Variants in ROBO1 observed in about 807,000 individuals in gnomAD.
The protein encoded by ROBO1 is roundabout homolog 1.
ROBO1 carries 149 observed loss-of-function variants against 195.9 expected under a neutral mutation model. The observed-to-expected ratio is 0.76, with a 90% CI of 0.67 to 0.87. ROBO1 has a LOEUF of 0.87. Among genes scored for constraint, ROBO1 ranks in the 40% least tolerant of loss-of-function variants. ROBO1 has a pLI of 0.00. For missense variants in ROBO1, 1,933 were observed against 2,068.3 expected, an observed-to-expected ratio of 0.93 and a Z score of 1.27; for synonymous variants, 816 against 733.2, an observed-to-expected ratio of 1.11 and a Z score of -1.82.
chr3:79,360,685 T>C (rs2035735570), intron 2 of ROBO1, among the ~76,000 whole-genome samples: 2 of 152,042 alleles, frequency 1.3e-5, no homozygotes, highest in African/African-American at 4.8e-5. Context: ...GATGCTCTTA[T>C]TGTCATCATT....
chr3:79,300,672 T>G (rs1451959648), intron 2 of ROBO1, among the ~76,000 whole-genome samples: 1 of 152,200 alleles, frequency 6.6e-6, no homozygotes, highest in Non-Finnish European at 1.5e-5. Flanking sequence ...TGAAGCCAGC[T>G]GGGCTCCTGA....
intron 2 of ROBO1, among the ~76,000 whole-genome samples, chr3:79,524,428 T>G (rs1348766808): frequency 1.3e-5 from 2 of 152,194 alleles, no homozygotes; most frequent in East Asian, 3.9e-4. Context: ...AGTTTCTACT[T>G]GAATCAGATA....
chr3:78,866,698 T>C (rs2035204116), intron 4 of ROBO1, among the ~76,000 whole-genome samples: 2 of 152,196 alleles, frequency 1.3e-5, no homozygotes, highest in Non-Finnish European at 2.9e-5. Context: ...AGTATTCACA[T>C]AATCCTTGGG....
In ROBO1 at chr3:78,598,885, T is replaced by A; in HGVS notation, c.*28A>T. 1.3e-6 allele frequency: 2 copies of A among 1,520,354 alleles called. No homozygotes were observed. The highest frequency in any genetic ancestry group is 1.8e-6 in the Non-Finnish European group (2 of 1,116,442). 94.2% of individuals were successfully genotyped at this position (1,520,354 alleles called of 1,614,324 possible). A position where few individuals can be genotyped will look rare whatever the true frequency, so the allele number is the denominator to read the frequency against. Reference sequence around the variant, plus strand: ...GGCATCTTGAGTGATGATTTTCACATTAGATCTCATAAGCCTCTTGGTTGT... The same window carrying A: ...GGCATCTTGAGTGATGATTTTCACAATAGATCTCATAAGCCTCTTGGTTGT... On this transcript the variant is annotated 3_prime_UTR_variant, in exon 31 of 31. Coordinates refer to ENST00000464233, the MANE Select transcript of ROBO1 (RefSeq NM_002941.4).
intron 2 of ROBO1, among the ~76,000 whole-genome samples, chr3:79,515,245 T>C (rs1940893516): frequency 6.6e-6 from 1 of 152,222 alleles, no homozygotes; most frequent in Non-Finnish European, 1.5e-5. Context: ...CAATGCTCAC[T>C]GTCCTCCACC....
chr3:79,237,382 G>C (rs1486734687), intron 2 of ROBO1, among the ~76,000 whole-genome samples: 2 of 151,962 alleles, frequency 1.3e-5, no homozygotes, highest in Admixed American at 1.3e-4. Flanking sequence ...TCGGGAGGCT[G>C]AGGCAGGAGA....
intron 2 of ROBO1, among the ~76,000 whole-genome samples, chr3:79,335,499 C>CTTCCCCCT (rs1464272206): frequency 2.0e-5 from 3 of 152,110 alleles, no homozygotes; most frequent in Non-Finnish European, 4.4e-5. Flanking sequence ...TTATTAGGAG[C>CTTCCCCCT]TTCCCCCTTC....
chr3:79,325,360 A>C (rs757813605), intron 2 of ROBO1, among the ~76,000 whole-genome samples: 2 of 152,210 alleles, frequency 1.3e-5, no homozygotes, highest in Admixed American at 6.5e-5. Flanking sequence ...CCCCTCAAAA[A>C]AGACAAGTGT....
At chr3:78,866,025 T>G (rs1425815135) in intron 4 of ROBO1, among the ~76,000 whole-genome samples, 1 of 152,196 alleles carries the variant, frequency 6.6e-6, no homozygotes, top group African/African-American at 2.4e-5. Flanking sequence ...TCAGCCAAAT[T>G]CAACTGTAAC....
At chr3:79,355,733 C>G (rs2035526029) in intron 2 of ROBO1, among the ~76,000 whole-genome samples, 1 of 152,112 alleles carries the variant, frequency 6.6e-6, no homozygotes, top group South Asian at 2.1e-4. Context: ...CTGCAAATTA[C>G]AGGATTTTAT....
intron 2 of ROBO1, among the ~76,000 whole-genome samples, chr3:79,272,445 G>C (rs989447353): frequency 6.6e-6 from 1 of 151,976 alleles, no homozygotes; most frequent in Non-Finnish European, 1.5e-5. Context: ...ACTTTCCTTA[G>C]AACCAAAAGT....
Position 78,667,739 on chromosome 3 carries a change from T to C in ROBO1, c.1966+144A>G, listed in dbSNP as rs543711048. The C allele has an allele frequency of 3.9e-5, 28 of 714,692 alleles. No individual in the cohort carries two copies. In the South Asian group the frequency reaches 5.9e-4, roughly 15 times the overall value. The allele number at this position is 714,692 out of a possible 1,614,324, so 44.3% of individuals were successfully genotyped here. A position where few individuals can be genotyped will look rare whatever the true frequency, so the allele number is the denominator to read the frequency against. On this transcript the variant is annotated intron_variant, in intron 14 of 30. Transcript: ENST00000464233. ...AGTTTGTAGACATTGTGTTTGTATA[T>C]TAAAAATTAATTAAGCAACTTGGGC...
In ROBO1 at chr3:79,767,514, G is replaced by T. The variant is rs185167339; in HGVS notation, c.-51+238C>A. 2.3e-3 allele frequency among the ~76,000 whole-genome samples: 347 copies of T among 152,288 alleles called. 2 individuals are homozygous for T. The highest frequency in any genetic ancestry group is 7.9e-3 in the African/African-American group (329 of 41,570). On this transcript the variant is annotated intron_variant, in intron 1 of 30. Transcript: ENST00000464233. ...AGGAAGAAACAAACATCGCATCCCT[G>T]CAGGAAAACTTGTTGAATCCCTCCC... is the stretch of plus-strand genomic sequence containing the variant.
chr3:79,347,025 G>A (rs1396154694), intron 2 of ROBO1, among the ~76,000 whole-genome samples: 2 of 151,826 alleles, frequency 1.3e-5, no homozygotes, highest in Non-Finnish European at 2.9e-5. Flanking sequence ...AAAAAAATAG[G>A]TTTTACAAAG....
intron 1 of ROBO1, among the ~76,000 whole-genome samples, chr3:79,751,193 A>G (rs1016472990): frequency 1.2e-4 from 19 of 152,206 alleles, no homozygotes; most frequent in African/African-American, 4.3e-4. Context: ...TCTATATCCT[A>G]TATCTCAATA....
intron 4 of ROBO1, among the ~76,000 whole-genome samples, chr3:78,858,748 G>A (rs1020024522): frequency 4.0e-5 from 6 of 148,310 alleles, no homozygotes; most frequent in Non-Finnish European, 6.0e-5. Flanking sequence ...CCCCCACTCC[G>A]TCCACCTCCC....
intron 1 of ROBO1, among the ~76,000 whole-genome samples, chr3:79,716,523 A>G (rs1284215844): frequency 6.6e-6 from 1 of 152,002 alleles, no homozygotes; most frequent in Non-Finnish European, 1.5e-5. Context: ...ATTTAACGAA[A>G]CAATACTATG....
chr3:78,886,366 G>T (rs2036572091), intron 4 of ROBO1, among the ~76,000 whole-genome samples: 1 of 152,104 alleles, frequency 6.6e-6, no homozygotes, highest in Non-Finnish European at 1.5e-5. Flanking sequence ...GGAGGCCGAG[G>T]CGGGTGGATC....
At chr3:79,428,777 T>C (rs1254454475) in intron 2 of ROBO1, among the ~76,000 whole-genome samples, 1 of 151,978 alleles carries the variant, frequency 6.6e-6, no homozygotes, top group Non-Finnish European at 1.5e-5. Flanking sequence ...TACAGTGGAA[T>C]ATTAAAAAAT....
Sources: gnomAD v4.1 joint callset for allele counts (sites outside exome capture counted in the v4.1 genomes callset) on GRCh38, gnomAD v4.1.1 for gene constraint, MANE v1.5 for transcripts, NCBI Gene and HGNC (gene_info 2026-07-23, HGNC 2026-07-21) for gene names.